Variants in CRAMP1 observed in about 807,000 individuals in gnomAD.
The protein encoded by CRAMP1 is cramped chromatin regulator 1.
A neutral mutation model predicts 115.4 loss-of-function variants in CRAMP1; 50 were observed. That is an observed-to-expected ratio of 0.43 (90% confidence interval 0.35 to 0.55). The LOEUF (loss-of-function observed/expected upper bound fraction) is 0.55, where lower values mean the gene tolerates loss of function less well. CRAMP1 is among the 20% of genes least tolerant of loss of function. The probability of loss-of-function intolerance (pLI) is 0.01; values close to 1 mark genes in which losing one functional copy is unlikely to be tolerated. For missense variants in CRAMP1, 1,679 were observed against 1,721.7 expected (o/e 0.98, Z 0.44); for synonymous variants, 866 against 745.4 (o/e 1.16, Z -2.64).
chr16:1,632,279 C>CG lies in CRAMP1; in HGVS notation c.608_609insG (p.Ser204LysfsTer27). Reference sequence around the variant, plus strand: ...AAGTACAAGAAGAAAGGCAAGCCAGCAAGCATGGTGAAGAACAAGGAGCAG... The same window carrying CG: ...AAGTACAAGAAGAAAGGCAAGCCAGCGAAGCATGGTGAAGAACAAGGAGCAG... On this transcript the variant is annotated frameshift_variant, in exon 4 of 21. Transcript: ENST00000397412. LOFTEE classifies it high-confidence loss of function. 6.3e-7 allele frequency: 1 copy of CG among 1,597,260 alleles called. No individual in the cohort carries two copies. The highest frequency in any genetic ancestry group is 8.5e-7 in the Non-Finnish European group (1 of 1,172,618).
Position 1,666,471 on chromosome 16 carries a change from C to T in CRAMP1, c.2907C>T (p.Pro969=). The part of the protein sequence containing the change: ...ATSAGILSGN[P]LPALDTEGLS... ...GTGCCGGCATCCTTTCCGGGAACCC[C>T]CTCCCTGCCTTGGACACCGAGGGCT... Residue 969 remains proline (P), a synonymous_variant, in exon 16 of 21, where the codon CCC becomes CCT. Transcript: ENST00000397412. The surrounding 1 kb of genome is among the most constrained non-coding windows in gnomAD (Gnocchi z 5.0). 1 of 1,613,880 alleles carries T rather than the reference C, an allele frequency of 6.2e-7. No individual in the cohort carries two copies. Among genetic ancestry groups the T allele is most frequent in the South Asian group, 1.1e-5 (1 of 91,058 alleles).
At chr16:1,637,354 C>T (rs1017294888) in intron 4 of CRAMP1, among the ~76,000 whole-genome samples, 18 of 151,756 alleles carry the variant, frequency 1.2e-4, no homozygotes, top group African/African-American at 4.4e-4. Context: ...GGGCCTCAGG[C>T]AGGGGTGAGC....
chr16:1,662,540 G>A lies in CRAMP1; in HGVS notation c.2464G>A (p.Gly822Arg), dbSNP rs536734837. 1.2e-5 allele frequency: 19 copies of A among 1,613,972 alleles called. No individual in the cohort carries two copies. The East Asian group carries it at 4.0e-4, about 34-fold the overall frequency. The change falls in exon 12 of 21, where the codon GGA becomes AGA. Residue 822 changes from glycine (G) to arginine (R), a missense_variant. Physicochemically the swap from Gly to Arg is moderately radical, Grantham distance 125. Coordinates refer to ENST00000397412, the MANE Select transcript of CRAMP1 (RefSeq NM_020825.4). Reference protein sequence around the residue: ...PLLVPGPSSTGSNDSDGGLFA... With the variant: ...PLLVPGPSSTRSNDSDGGLFA... ...CTTGGTGCCTGGTCCCTCCAGCACA[G>A]GAAGCAATGACTCAGATGGAGGCCT...
intron 2 of CRAMP1, among the ~76,000 whole-genome samples, chr16:1,616,043 T>A (rs1474408554): frequency 6.6e-6 from 1 of 152,226 alleles, no homozygotes; most frequent in East Asian, 1.9e-4. Flanking sequence ...AAGGCTGGCC[T>A]CCGGAATCAT....
In CRAMP1 at chr16:1,636,521, C is replaced by A. The variant is rs1249437567; in HGVS notation, c.695-1303C>A. 1.1e-4 allele frequency among the ~76,000 whole-genome samples: 17 copies of A among 152,314 alleles called. No homozygotes were observed. The East Asian group carries it at 3.1e-3, about 28-fold the overall frequency. ...CAGAATCCTCCTCATATCTTGAAAG[C>A]CTGCTTCTCCATTTACCAGTCTTAG... On this transcript the variant is annotated intron_variant, in intron 4 of 20. Coordinates refer to ENST00000397412, the MANE Select transcript of CRAMP1 (RefSeq NM_020825.4).
rs529671641 is a variant in CRAMP1, at chr16:1,659,174, C to T, written c.2236-712C>T. ...TTCCTCTGACTCACAAGCAGAGAGG[C>T]TGCTGCAGTCTCATGTTGACTTTTT... On this transcript the variant is annotated intron_variant, in intron 10 of 20. Transcript: ENST00000397412. Among the ~76,000 whole-genome samples the T allele has an allele frequency of 5.9e-5, 9 of 152,318 alleles. No individual in the cohort carries two copies. In the South Asian group the frequency reaches 1.5e-3, roughly 25 times the overall value.
rs145021659 is a variant in CRAMP1, at chr16:1,653,646, C to T, written c.1037+490C>T. On this transcript the variant is annotated intron_variant, in intron 8 of 20. Transcript: ENST00000397412. ...AGATCGAGACCTTTCTGGCTAACGCCGTGAAACCCCATCTCTACTAAAAAT... is the reference window on the plus strand; with the variant it reads ...AGATCGAGACCTTTCTGGCTAACGCTGTGAAACCCCATCTCTACTAAAAAT... Among the ~76,000 whole-genome samples the T allele has an allele frequency of 5.5e-3, 803 of 146,616 alleles. 9 individuals carry two copies. The highest frequency in any genetic ancestry group is 0.018 in the African/African-American group (726 of 39,658).
At chr16:1,670,957 C>A in intron 20 of CRAMP1, 148 bp downstream of exon 20, 1 of 720,862 alleles carries the variant, frequency 1.4e-6, no homozygotes, top group Non-Finnish European at 2.3e-6. Flanking sequence ...AGGTCCCTGA[C>A]TACTGAGAAT....
intron 6 of CRAMP1, among the ~76,000 whole-genome samples, chr16:1,648,859 C>T (rs1024968339): frequency 2.6e-5 from 4 of 151,974 alleles, no homozygotes; most frequent in African/African-American, 4.8e-5. Context: ...GAGATCGAGA[C>T]CATCCTGGCT....
At chr16:1,612,842 G>A (rs1222266637) in intron 1 of CRAMP1, among the ~76,000 whole-genome samples, 185 bp downstream of exon 1, 1 of 152,144 alleles carries the variant, frequency 6.6e-6, no homozygotes, top group East Asian at 1.9e-4. Flanking sequence ...GCGGGACGGG[G>A]CTGGAGGAGA....
At position 1,670,704 on chromosome 16, in the gene CRAMP1, G is replaced by C. The variant is rs775420672; in HGVS notation, c.3540G>C (p.Pro1180=). ...CAGAGAAGAGCCGGAAGATGTTGCC[G>C]ACTCCCATTGGGACCAACAGTGGCA... ...ISPEKSRKML[P]TPIGTNSGTS... The change falls in exon 20 of 21, where the codon CCG becomes CCC. Residue 1180 remains proline (P), a synonymous_variant. Coordinates refer to ENST00000397412, the MANE Select transcript of CRAMP1 (RefSeq NM_020825.4). 3.1e-6 allele frequency: 5 copies of C among 1,613,936 alleles called. No homozygotes were observed. Among genetic ancestry groups the C allele is most frequent in the Admixed American group, 1.7e-5 (1 of 60,026 alleles).
chr16:1,666,578 G>A lies in CRAMP1; in HGVS notation c.3014G>A (p.Gly1005Glu), dbSNP rs750105642. Residue 1005 changes from glycine to glutamate, a missense_variant, in exon 16 of 21, where the codon GGA (glycine) becomes GAA (glutamate). By Grantham distance (98) the Gly-to-Glu change is moderately conservative (BLOSUM62 -2). Transcript: ENST00000397412. The surrounding 1 kb of genome is among the most constrained non-coding windows in gnomAD (Gnocchi z 5.0). ...GQDSTGTHQD[G>E]DTLPTVGGSD... ...GACTCTACTGGAACTCACCAGGATG[G>A]AGACACCCTCCCCACCGTGGGGGTG... is the stretch of plus-strand genomic sequence containing the variant. 4 of 1,613,924 alleles carry A rather than the reference G, an allele frequency of 2.5e-6. No individual in the cohort carries two copies. Among genetic ancestry groups the A allele is most frequent in the Non-Finnish European group, 3.4e-6 (4 of 1,179,850 alleles).
In CRAMP1 at chr16:1,641,207, T is replaced by G; in HGVS notation, c.827+20T>G. ...GGTTGGGTAAGTCCCAGTTTCCATG[T>G]GAAACATCACTTCTCTGGGTGTTTT... On this transcript the variant is annotated intron_variant, in intron 6 of 20. Coordinates refer to ENST00000397412, the MANE Select transcript of CRAMP1 (RefSeq NM_020825.4). 1.3e-6 allele frequency: 2 copies of G among 1,576,952 alleles called. No individual in the cohort carries two copies. The highest frequency in any genetic ancestry group is 1.3e-5 in the African/African-American group (1 of 74,328).
chr16:1,677,677 T>C lies in CRAMP1; in HGVS notation c.*3632T>C, dbSNP rs963216721. 6.6e-6 allele frequency: 1 copy of C among 152,662 alleles called. No homozygotes were observed. The highest frequency in any genetic ancestry group is 2.4e-5 in the African/African-American group (1 of 41,458). The allele number at this position is 152,662 out of a possible 1,614,324, so 9.5% of individuals were successfully genotyped here. A position where few individuals can be genotyped will look rare whatever the true frequency, so the allele number is the denominator to read the frequency against. ...CCGCTCGTTTCAGATATGAATTTGT[T>C]TTATAGATTATAAATATGCATATAC... On this transcript the variant is annotated 3_prime_UTR_variant, in exon 21 of 21. Transcript: ENST00000397412.
intron 5 of CRAMP1, among the ~76,000 whole-genome samples, chr16:1,640,334 T>C (rs1049335699): frequency 2.0e-5 from 3 of 152,234 alleles, no homozygotes; most frequent in Admixed American, 2.0e-4. Flanking sequence ...TGCTGCCTCT[T>C]GGCCTGTGCT....
intron 6 of CRAMP1, among the ~76,000 whole-genome samples, chr16:1,651,599 A>G (rs1021728775): frequency 2.7e-5 from 4 of 150,592 alleles, no homozygotes; most frequent in African/African-American, 9.8e-5. Context: ...CTGAGGTCAC[A>G]CAGAGGTCAT....
rs535650804 is a variant in CRAMP1, at chr16:1,629,212, C to T, written c.541-3000C>T. ...CTTCTCCCTCTCTGCATAATGGCTG[C>T]GGCCTCAGCTCTGGCCTCTGTGCTT... On this transcript the variant is annotated intron_variant, in intron 3 of 20. Coordinates refer to ENST00000397412, the MANE Select transcript of CRAMP1 (RefSeq NM_020825.4). Among the ~76,000 whole-genome samples the T allele has an allele frequency of 5.3e-5, 8 of 152,348 alleles. No individual in the cohort carries two copies. In the South Asian group the frequency reaches 1.5e-3, roughly 28 times the overall value.
chr16:1,669,161 G>A lies in CRAMP1; in HGVS notation c.3495G>A (p.Leu1165=). 2 of 1,598,532 alleles carry A rather than the reference G, an allele frequency of 1.3e-6. No individual in the cohort carries two copies. The highest frequency in any genetic ancestry group is 1.1e-5 in the South Asian group (1 of 88,922). The change falls in exon 19 of 21, where the codon CTG becomes CTA. Residue 1165 remains leucine (L), a synonymous_variant. Coordinates refer to ENST00000397412, the MANE Select transcript of CRAMP1 (RefSeq NM_020825.4). This position sits in a 1 kb window ranked among gnomAD's most constrained non-coding sequence, Gnocchi z 4.6. ...SDSTDSSLSS[L]FASFISPEKS... Reference sequence around the variant, plus strand: ...CCACCGACTCCTCGCTCAGCAGCCTGTTTGGTGAGTGTATGGGGAGGGCTC... The same window carrying A: ...CCACCGACTCCTCGCTCAGCAGCCTATTTGGTGAGTGTATGGGGAGGGCTC...
intron 1 of CRAMP1, among the ~76,000 whole-genome samples, chr16:1,613,419 G>A (rs1183875835): frequency 3.3e-5 from 5 of 152,140 alleles, no homozygotes; most frequent in Non-Finnish European, 7.3e-5. Context: ...TTCGTGGTTG[G>A]TGTTGGTGCC....
Sources: allele counts gnomAD v4.1 joint callset (sites outside exome capture counted in the v4.1 genomes callset), GRCh38; gene constraint gnomAD v4.1.1; non-coding constraint Gnocchi (gnomAD v3.1); transcripts MANE v1.5; gene names NCBI Gene and HGNC (gene_info 2026-07-23, HGNC 2026-07-21).